The following EPB41L2 variants were observed in gnomAD, a reference collection of about 807,000 sequenced individuals.
EPB41L2 encodes band 4.1-like protein 2.
In EPB41L2, 43 loss-of-function variants were observed where a neutral mutation model predicts 113.0. That is an observed-to-expected ratio of 0.38 (90% CI 0.30 to 0.49). The LOEUF (loss-of-function observed/expected upper bound fraction) is 0.49, where lower values mean the gene tolerates loss of function less well. Ranked by LOEUF, EPB41L2 falls within the 20% of genes least tolerant of loss-of-function variation. The pLI is 0.95. For missense variants in EPB41L2, 1,147 were observed against 1,223.4 expected (o/e 0.94, Z 0.93); for synonymous variants, 442 against 436.7 (o/e 1.01, Z -0.15).
chr6:130,903,904 A>G (rs1387775258), intron 6 of EPB41L2, among the ~76,000 whole-genome samples: 1 of 152,222 alleles, frequency 6.6e-6, no homozygotes, highest in African/African-American at 2.4e-5. Context: ...GCTCCTAAAC[A>G]GAATCCTTTC....
chr6:130,909,043 G>A (rs1022373071), intron 4 of EPB41L2, among the ~76,000 whole-genome samples, 180 bp from the exon 5 acceptor site: 4 of 152,210 alleles, frequency 2.6e-5, no homozygotes, highest in Non-Finnish European at 5.9e-5. Context: ...ACATATGTGT[G>A]TAAATGTGGT....
chr6:130,848,100 A>G (rs1348467915), intron 19 of EPB41L2, among the ~76,000 whole-genome samples: 2 of 152,062 alleles, frequency 1.3e-5, no homozygotes, highest in East Asian at 1.9e-4. Context: ...GGAACATGGG[A>G]AAAAAATCAC....
intron 11 of EPB41L2, among the ~76,000 whole-genome samples, chr6:130,888,998 C>T (rs1791932097): frequency 6.6e-6 from 1 of 152,078 alleles, no homozygotes; most frequent in Non-Finnish European, 1.5e-5. Context: ...CCATATGAAT[C>T]CTTCACTATT....
intron 19 of EPB41L2, among the ~76,000 whole-genome samples, chr6:130,857,338 C>T (rs1174953483): frequency 6.6e-6 from 1 of 152,028 alleles, no homozygotes; most frequent in Non-Finnish European, 1.5e-5. Flanking sequence ...TAATTCTCTG[C>T]CCATTTTTCT....
chr6:130,990,849 T>C lies in EPB41L2; in HGVS notation c.-14-34350A>G, dbSNP rs924566396. 1.9e-4 allele frequency among the ~76,000 whole-genome samples: 27 copies of C among 143,526 alleles called. No individual in the cohort carries two copies. The South Asian group carries it at 5.5e-3, about 29-fold the overall frequency. 94.2% of individuals were successfully genotyped at this position (143,526 alleles called of 152,430 possible). Reference sequence around the variant, plus strand: ...GTAATTTTTTTTTTTTTTTTTGAGGTGGAGTCTCGCTCTGCCGCCCAGGCT... The same window carrying C: ...GTAATTTTTTTTTTTTTTTTTGAGGCGGAGTCTCGCTCTGCCGCCCAGGCT... On this transcript the variant is annotated intron_variant, in intron 1 of 19. Coordinates refer to ENST00000337057, the MANE Select transcript of EPB41L2 (RefSeq NM_001431.4).
intron 1 of EPB41L2, among the ~76,000 whole-genome samples, chr6:130,968,730 C>CTTTT (rs11340034): frequency 1.4e-5 from 2 of 142,418 alleles, no homozygotes; most frequent in African/African-American, 5.1e-5. Context: ...GCTATAAAAC[C>CTTTT]TTTTTTTTTT....
intron 1 of EPB41L2, among the ~76,000 whole-genome samples, chr6:130,971,848 T>C (rs1298315705): frequency 6.6e-6 from 1 of 152,204 alleles, no homozygotes; most frequent in Non-Finnish European, 1.5e-5. Context: ...ACTGCAAATA[T>C]ATCATCCATA....
intron 3 of EPB41L2, among the ~76,000 whole-genome samples, chr6:130,932,576 C>T (rs1807266194): frequency 6.6e-6 from 1 of 152,192 alleles, no homozygotes; most frequent in Non-Finnish European, 1.5e-5. Flanking sequence ...ACTACCTCTA[C>T]TTGTATACAA....
intron 1 of EPB41L2, among the ~76,000 whole-genome samples, chr6:130,968,346 C>T (rs760543517): frequency 6.6e-6 from 1 of 152,186 alleles, no homozygotes; most frequent in Non-Finnish European, 1.5e-5. Context: ...TGATCTCATA[C>T]TTTCAAATCC....
At chr6:130,841,172 T>C (rs975946352) in intron 19 of EPB41L2, among the ~76,000 whole-genome samples, 1 of 149,192 alleles carries the variant, frequency 6.7e-6, no homozygotes, top group Admixed American at 6.7e-5. Flanking sequence ...TACAAAATAT[T>C]AGGTCTATTC....
chr6:130,921,663 C>A (rs898125014), intron 4 of EPB41L2, among the ~76,000 whole-genome samples: 11 of 152,196 alleles, frequency 7.2e-5, no homozygotes, highest in South Asian at 4.1e-4. Flanking sequence ...AATGTCAACA[C>A]TAAACTGCTC....
rs186660728 is a variant in EPB41L2 at position 130,951,017 on chromosome 6, T to C, written c.705+4088A>G. Among the ~76,000 whole-genome samples the C allele has an allele frequency of 4.3e-4, 65 of 152,202 alleles. 1 individual carries two copies. Among genetic ancestry groups the C allele is most frequent in the Admixed American group, 3.8e-3 (58 of 15,290 alleles). On this transcript the variant is annotated intron_variant, in intron 3 of 19. Coordinates refer to ENST00000337057, the MANE Select transcript of EPB41L2 (RefSeq NM_001431.4). ...TTTTAAAAATTTCAGAGTGATCATATAAACCTAAATAAAACATAAAAAGAT... is the reference window on the plus strand; with the variant it reads ...TTTTAAAAATTTCAGAGTGATCATACAAACCTAAATAAAACATAAAAAGAT...
chr6:131,008,852 A>G (rs969315712), intron 1 of EPB41L2, among the ~76,000 whole-genome samples: 1 of 152,184 alleles, frequency 6.6e-6, no homozygotes, highest in Non-Finnish European at 1.5e-5. Context: ...GGAATGGTAA[A>G]TACCCAATGC....
chr6:131,059,361 G>A (rs534448665), intron 1 of EPB41L2, among the ~76,000 whole-genome samples: 7 of 152,212 alleles, frequency 4.6e-5, no homozygotes, highest in Admixed American at 2.0e-4. Context: ...TGATCCACCC[G>A]CCTCAGCCTC....
At chr6:131,009,665 A>C (rs887429969) in intron 1 of EPB41L2, among the ~76,000 whole-genome samples, 121 of 138,682 alleles carry the variant, frequency 8.7e-4, no homozygotes, top group Middle Eastern at 7.5e-3. Flanking sequence ...ACTGTCACCC[A>C]CCCCCACCAA....
At chr6:130,926,232 T>C (rs1480047080) in intron 4 of EPB41L2, among the ~76,000 whole-genome samples, 6 of 152,232 alleles carry the variant, frequency 3.9e-5, no homozygotes, top group African/African-American at 1.4e-4. Context: ...GACCAGCTTC[T>C]TTACTTATTT....
chr6:130,928,684 C>A lies in EPB41L2; in HGVS notation c.706-1975G>T, dbSNP rs3777456. ...TTAAGAGGAAAAAACATCCACACAG[C>A]TCACCACTACAATTTGGCAGTACAT... On this transcript the variant is annotated intron_variant, in intron 3 of 19. Transcript: ENST00000337057. 0.02 allele frequency among the ~76,000 whole-genome samples: 3,027 copies of A among 152,346 alleles called. 196 individuals carry two copies. In the East Asian group the frequency reaches 0.26, roughly 13 times the overall value.
At chr6:130,885,945 T>C (rs1790812752) in intron 11 of EPB41L2, among the ~76,000 whole-genome samples, 1 of 152,176 alleles carries the variant, frequency 6.6e-6, no homozygotes, top group Non-Finnish European at 1.5e-5. Context: ...CTCCTACAGA[T>C]AGGCAGAAAT....
intron 1 of EPB41L2, among the ~76,000 whole-genome samples, chr6:130,964,872 A>C (rs1051255868): frequency 6.6e-6 from 1 of 152,226 alleles, no homozygotes; most frequent in Admixed American, 6.5e-5. Flanking sequence ...TATAACCAAT[A>C]AAGAGAAGTG....
Sources: allele counts gnomAD v4.1 joint callset (sites outside exome capture counted in the v4.1 genomes callset), GRCh38; gene constraint gnomAD v4.1.1; transcripts MANE v1.5; gene names NCBI Gene and HGNC (gene_info 2026-07-23, HGNC 2026-07-21).